The following ATP1A3 variants were observed in gnomAD, a reference collection of about 807,000 sequenced individuals.
ATP1A3 encodes ATPase Na+/K+ transporting subunit alpha 3.
In ATP1A3, 12 loss-of-function variants were observed where a neutral mutation model predicts 108.8. The ratio of observed to expected loss-of-function variants is 0.11; its 90% CI spans 0.07 to 0.18. The LOEUF is 0.18. Among genes scored for constraint, ATP1A3 ranks in the 10% least tolerant of loss-of-function variants. The pLI, the probability that ATP1A3 is intolerant of heterozygous loss-of-function variation, is 1.00. For missense variants in ATP1A3, 498 were observed against 1,387.7 expected, an observed-to-expected ratio of 0.36 and a Z score of 10.19; for synonymous variants, 539 against 564.5, an observed-to-expected ratio of 0.95 and a Z score of 0.64.
At chr19:41,970,079 T>A in intron 18 of ATP1A3, 106 bp downstream of exon 18, 1 of 1,591,448 alleles carries the variant, frequency 6.3e-7, no homozygotes. Flanking sequence ...CCTGCCCACG[T>A]CTGCTCCCCT....
In ATP1A3 at chr19:41,967,573, A is replaced by G; in HGVS notation, c.2921+89T>C. 7.2e-7 allele frequency: 1 copy of G among 1,379,586 alleles called. No individual in the cohort carries two copies. Among genetic ancestry groups the G allele is most frequent in the South Asian group, 1.2e-5 (1 of 82,152 alleles). The allele number at this position is 1,379,586 out of a possible 1,614,324, so 85.5% of individuals were successfully genotyped here. A position where few individuals can be genotyped will look rare whatever the true frequency, so the allele number is the denominator to read the frequency against. On this transcript the variant is annotated intron_variant, in intron 21 of 22. Coordinates refer to ENST00000648268, the MANE Select transcript of ATP1A3 (RefSeq NM_152296.5). The surrounding 1 kb of genome is among the most constrained non-coding windows in gnomAD (Gnocchi z 4.2). ...GGGACTGCAGTGGGGACACCAGGGGAGGTGGGGCCTGAGGTTCAGGCTGAG... is the reference window on the plus strand; with the variant it reads ...GGGACTGCAGTGGGGACACCAGGGGGGGTGGGGCCTGAGGTTCAGGCTGAG...
chr19:41,967,568 A>C lies in ATP1A3; in HGVS notation c.2921+94T>G, dbSNP rs2075057201. On this transcript the variant is annotated intron_variant, in intron 21 of 22. Coordinates refer to ENST00000648268, the MANE Select transcript of ATP1A3 (RefSeq NM_152296.5). This position sits in a 1 kb window ranked among gnomAD's most constrained non-coding sequence, Gnocchi z 4.2. ...GAATGGGGACTGCAGTGGGGACACC[A>C]GGGGAGGTGGGGCCTGAGGTTCAGG... 1 of 1,358,598 alleles carries C rather than the reference A, an allele frequency of 7.4e-7. No homozygotes were observed. The highest frequency in any genetic ancestry group is 1.5e-5 in the African/African-American group (1 of 68,836). 84.2% of individuals were successfully genotyped at this position (1,358,598 alleles called of 1,614,324 possible).
In ATP1A3 at chr19:41,988,019, T is replaced by G. The variant is rs933392084; in HGVS notation, c.274A>C (p.Ile92Leu). ...AGGATAGCCCCGATCCACAGCAGGATGGAGAAGCCCCCGAAGAGCTGCCGG... is the reference window on the plus strand; with the variant it reads ...AGGATAGCCCCGATCCACAGCAGGAGGGAGAAGCCCCCGAAGAGCTGCCGG... ...FCRQLFGGFS[I>L]LLWIGAILCF... Residue 92 changes from isoleucine (I) to leucine (L), a missense_variant, in exon 4 of 23, where the codon ATC becomes CTC. Around this residue, in one of 9 missense-constraint regions of ATP1A3, gnomAD observed 127 missense variants for 464.0 expected, o/e 0.27. Transcript: ENST00000648268. This position sits in a 1 kb window ranked among gnomAD's most constrained non-coding sequence, Gnocchi z 5.3. 6.2e-7 allele frequency: 1 copy of G among 1,614,116 alleles called. No homozygotes were observed. The highest frequency in any genetic ancestry group is 2.2e-5 in the East Asian group (1 of 44,876).
intron 8 of ATP1A3, chr19:41,984,683 C>CCT: frequency 1.9e-6 from 1 of 527,250 alleles, no homozygotes; most frequent in South Asian, 2.9e-5. Flanking sequence ...TTAATGAGGC[C>CCT]CTCTGAGTCA....
intron 8 of ATP1A3, among the ~76,000 whole-genome samples, chr19:41,983,050 C>A (rs1296078054): frequency 6.6e-6 from 1 of 152,114 alleles, no homozygotes; most frequent in African/African-American, 2.4e-5. Flanking sequence ...CATAGGGTAG[C>A]ATTCAACATT....
chr19:41,982,327 G>A (rs1469839063), intron 8 of ATP1A3, among the ~76,000 whole-genome samples: 2 of 152,098 alleles, frequency 1.3e-5, no homozygotes, highest in Non-Finnish European at 2.9e-5. Context: ...GCAGCCACAT[G>A]CATAATAGTG....
chr19:41,993,798 T>C (rs918771881), intron 1 of ATP1A3: 96 of 637,574 alleles, frequency 1.5e-4, no homozygotes, highest in Non-Finnish European at 2.4e-4. Context: ...ACTGTGCACA[T>C]GCAACCGCAC....
chr19:41,978,367 C>T lies in ATP1A3; in HGVS notation c.1631-41G>A, dbSNP rs373225832. 2.4e-5 allele frequency: 37 copies of T among 1,563,914 alleles called. 1 individual carries two copies. Among genetic ancestry groups the T allele is most frequent in the South Asian group, 2.1e-4 (18 of 85,816 alleles). Reference sequence around the variant, plus strand: ...GGTTGGGGTGTGAGGGTCCCAGCCTCGGAACCTCCGCCCCATGCCCCTAGA... The same window carrying T: ...GGTTGGGGTGTGAGGGTCCCAGCCTTGGAACCTCCGCCCCATGCCCCTAGA... On this transcript the variant is annotated intron_variant, in intron 12 of 22. Coordinates refer to ENST00000648268, the MANE Select transcript of ATP1A3 (RefSeq NM_152296.5). This position sits in a 1 kb window ranked among gnomAD's most constrained non-coding sequence, Gnocchi z 8.3.
intron 1 of ATP1A3, among the ~76,000 whole-genome samples, chr19:41,989,205 G>T (rs1291806371): frequency 2.6e-5 from 4 of 151,852 alleles, no homozygotes; most frequent in African/African-American, 9.7e-5. Flanking sequence ...CTCCCAAACT[G>T]TTGGGATTAT....
At chr19:41,969,832 C>T (rs1270891448) in intron 18 of ATP1A3, among the ~76,000 whole-genome samples, 7 of 152,224 alleles carry the variant, frequency 4.6e-5, no homozygotes, top group Non-Finnish European at 7.4e-5. Context: ...GCCCCTCTCT[C>T]ACCTGACCTA....
Position 41,988,515 on chromosome 19 carries a change from C to G in ATP1A3, c.54G>C (p.Glu18Asp), listed in dbSNP as rs541121307. 6.2e-7 allele frequency: 1 copy of G among 1,614,192 alleles called. No homozygotes were observed. The highest frequency in any genetic ancestry group is 8.5e-7 in the Non-Finnish European group (1 of 1,180,046). The change falls in exon 2 of 23, where the codon GAG becomes GAC. Residue 18 changes from glutamate (E) to aspartate (D), a missense_variant. Transcript: ENST00000648268. This position sits in a 1 kb window ranked among gnomAD's most constrained non-coding sequence, Gnocchi z 5.3. ...KDSPKKNKGK[E>D]RRDLDDLKKE... is the part of the protein sequence containing the mutation. The stretch of plus-strand genomic sequence containing the variant: ...TCTTGAGGTCATCCAGGTCCCGGCG[C>G]TCCTTGCCCTTGTTCTTCTTGGGTG...
chr19:41,966,996 A>G (rs1420667860), intron 22 of ATP1A3, 31 bp from the exon 23 acceptor site: 42 of 1,551,520 alleles, frequency 2.7e-5, no homozygotes, highest in Non-Finnish European at 3.6e-5. Context: ...AGAAAGAGAC[A>G]GAGTAAGAGA....
Position 41,968,815 on chromosome 19 carries a change from C to T in ATP1A3, c.2789G>A (p.Arg930Gln), listed in dbSNP as rs2145944562. ...QWADLIICKT[R>Q]RNSVFQQGMK... ...GCCCTGCTGGAAGACCGAGTTCCTC[C>T]GGGTCTTGCAGATGATCAGATCGGC... Residue 930 changes from arginine to glutamine, a missense_variant, in exon 20 of 23, where the codon CGG (arginine) becomes CAG (glutamine). Around this residue, in one of 9 missense-constraint regions of ATP1A3, gnomAD observed 121 missense variants for 425.1 expected, o/e 0.28. Coordinates refer to ENST00000648268, the MANE Select transcript of ATP1A3 (RefSeq NM_152296.5). This position sits in a 1 kb window ranked among gnomAD's most constrained non-coding sequence, Gnocchi z 5.0. 1 of 1,614,128 alleles carries T rather than the reference C, an allele frequency of 6.2e-7. No individual in the cohort carries two copies. Among genetic ancestry groups the T allele is most frequent in the Non-Finnish European group, 8.5e-7 (1 of 1,179,970 alleles).
In ATP1A3 at chr19:41,985,154, C is replaced by T. The variant is rs1057523788; in HGVS notation, c.757G>A (p.Asp253Asn). The part of the protein sequence containing the change: ...TARGVVVATG[D>N]RTVMGRIATL... ...GCGATACGGCCCATGACAGTGCGGT[C>T]GCCCGTGGCCACCACCACGCCCCGA... The change falls in exon 8 of 23, where the codon GAC becomes AAC. Residue 253 changes from aspartate (D) to asparagine (N), a missense_variant. Asp to Asn is a conservative substitution (Grantham distance 23). This residue lies in a region of ATP1A3 where 127 missense variants were observed against 464.0 expected (regional missense o/e 0.27). Transcript: ENST00000648268. The surrounding 1 kb of genome is among the most constrained non-coding windows in gnomAD (Gnocchi z 8.2). 2.5e-6 allele frequency: 4 copies of T among 1,613,222 alleles called. No homozygotes were observed. The highest frequency in any genetic ancestry group is 3.4e-6 in the Non-Finnish European group (4 of 1,179,500).
At position 41,968,434 on chromosome 19, in the gene ATP1A3, G is replaced by A. The variant is rs923435605; in HGVS notation, c.2819+351C>T. Among the ~76,000 whole-genome samples, 13 of 152,148 alleles carry A rather than the reference G, an allele frequency of 8.5e-5. No homozygotes were observed. The highest frequency in any genetic ancestry group is 1.4e-4 in the African/African-American group (6 of 41,440). On this transcript the variant is annotated intron_variant, in intron 20 of 22. Coordinates refer to ENST00000648268, the MANE Select transcript of ATP1A3 (RefSeq NM_152296.5). This position sits in a 1 kb window ranked among gnomAD's most constrained non-coding sequence, Gnocchi z 5.0. Reference sequence around the variant, plus strand: ...TGAGGCATGAGAATCGCTTGAACCCGGGAGGCGGAGGTTGCAGTGAGCCAA... The same window carrying A: ...TGAGGCATGAGAATCGCTTGAACCCAGGAGGCGGAGGTTGCAGTGAGCCAA...
chr19:41,967,485 G>C lies in ATP1A3; in HGVS notation c.2922-145C>G. On this transcript the variant is annotated intron_variant, in intron 21 of 22. Transcript: ENST00000648268. The surrounding 1 kb of genome is among the most constrained non-coding windows in gnomAD (Gnocchi z 4.2). ...GGTGCCCTGGGCGGGGCTGGGGCCT[G>C]GGGTCTTCGGAGTAATCCGTGGTGG... The C allele has an allele frequency of 8.3e-7, 1 of 1,205,036 alleles. No individual in the cohort carries two copies. Among genetic ancestry groups the C allele is most frequent in the Non-Finnish European group, 1.2e-6 (1 of 860,958 alleles). The allele number at this position is 1,205,036 out of a possible 1,614,324, so 74.6% of individuals were successfully genotyped here. A position where few individuals can be genotyped will look rare whatever the true frequency, so the allele number is the denominator to read the frequency against.
In ATP1A3 at chr19:41,988,731, G is replaced by A; in HGVS notation, c.7-169C>T. On this transcript the variant is annotated intron_variant, in intron 1 of 22. Transcript: ENST00000648268. This position sits in a 1 kb window ranked among gnomAD's most constrained non-coding sequence, Gnocchi z 5.3. Reference sequence around the variant, plus strand: ...TCGGGGTCTCCCTGTGTCTCCCGGAGCCTCTGGGTGACTTCACCTCCCTTC... The same window carrying A: ...TCGGGGTCTCCCTGTGTCTCCCGGAACCTCTGGGTGACTTCACCTCCCTTC... 1 of 1,404,720 alleles carries A rather than the reference G, an allele frequency of 7.1e-7. No individual in the cohort carries two copies. Among genetic ancestry groups the A allele is most frequent in the Non-Finnish European group, 9.5e-7 (1 of 1,054,822 alleles). 87.0% of individuals were successfully genotyped at this position (1,404,720 alleles called of 1,614,324 possible). A position where few individuals can be genotyped will look rare whatever the true frequency, so the allele number is the denominator to read the frequency against.
chr19:41,971,855 G>C (rs2075113546), intron 16 of ATP1A3, among the ~76,000 whole-genome samples: 1 of 152,136 alleles, frequency 6.6e-6, no homozygotes. Context: ...ACCCTGTCTG[G>C]TTGAATATTT....
chr19:41,989,316 C>CTTT (rs1217199421), intron 1 of ATP1A3, among the ~76,000 whole-genome samples: 11 of 134,810 alleles, frequency 8.2e-5, no homozygotes, highest in East Asian at 4.5e-4. Flanking sequence ...ACATATCTGT[C>CTTT]TTTTTTTTTT....
Sources: allele counts gnomAD v4.1 joint callset (sites outside exome capture counted in the v4.1 genomes callset), GRCh38; gene constraint gnomAD v4.1.1; regional missense constraint gnomAD v4.1.1; non-coding constraint Gnocchi (gnomAD v3.1); transcripts MANE v1.5; gene names NCBI Gene and HGNC (gene_info 2026-07-23, HGNC 2026-07-21).